The following DCC variants were observed in gnomAD, a reference collection of about 807,000 sequenced individuals.
DCC encodes the protein DCC netrin 1 receptor.
A neutral mutation model predicts 172.5 loss-of-function variants in DCC; 58 were observed. That is an observed-to-expected ratio of 0.34 (90% CI 0.27 to 0.42). DCC has a LOEUF of 0.42. DCC is among the 10% of genes least tolerant of loss of function. The probability of loss-of-function intolerance (pLI) is 1.00; values close to 1 mark genes in which losing one functional copy is unlikely to be tolerated. For missense variants in DCC, 1,740 were observed against 1,791.0 expected (o/e 0.97, Z 0.51); for synonymous variants, 709 against 644.5 (o/e 1.10, Z -1.52).
rs142677377 is a variant in DCC, at chr18:52,848,818, G to A, written c.413-57226G>A. On this transcript the variant is annotated intron_variant, in intron 2 of 28. Transcript: ENST00000442544. ...AAGTGATTTTTAGACTTTTAATTCA[G>A]TTCCATTTATCCATGTATTCGTGTT... 4.3e-3 allele frequency among the ~76,000 whole-genome samples: 647 copies of A among 152,204 alleles called. 3 individuals are homozygous for A. Among genetic ancestry groups the A allele is most frequent in the African/African-American group, 0.015 (618 of 41,504 alleles).
At chr18:52,350,837 T>C (rs1984087684) in intron 1 of DCC, among the ~76,000 whole-genome samples, 1 of 152,152 alleles carries the variant, frequency 6.6e-6, no homozygotes, top group Non-Finnish European at 1.5e-5. Context: ...ATTATGGTTT[T>C]GCCTACAGAT....
chr18:52,658,331 T>A (rs2035293817), intron 1 of DCC, among the ~76,000 whole-genome samples: 1 of 152,212 alleles, frequency 6.6e-6, no homozygotes, highest in Admixed American at 6.5e-5. Flanking sequence ...AACATCCAAA[T>A]CATAAAAGTC....
At chr18:53,509,309 G>A (rs952905134) in intron 27 of DCC, among the ~76,000 whole-genome samples, 8 of 152,232 alleles carry the variant, frequency 5.3e-5, no homozygotes, top group African/African-American at 1.9e-4. Context: ...TATTAAGCAT[G>A]TTACAGTATG....
intron 1 of DCC, among the ~76,000 whole-genome samples, chr18:52,354,993 GC>G (rs1186873092): frequency 6.6e-6 from 1 of 152,084 alleles, no homozygotes; most frequent in Non-Finnish European, 1.5e-5. Context: ...ATCTCTTTAA[GC>G]CCCGTTACGA....
chr18:52,927,090 TATATACGTGTATATAC>T (rs1568191987), intron 5 of DCC, among the ~76,000 whole-genome samples: 1,760 of 127,450 alleles, frequency 0.014, 388 homozygotes, highest in African/African-American at 0.047. Flanking sequence ...TATATACACG[TATATACGTGTATATAC>T]ACGTATATAC....
intron 7 of DCC, among the ~76,000 whole-genome samples, chr18:53,091,437 G>A (rs897419931): frequency 3.4e-5 from 5 of 149,140 alleles, no homozygotes; most frequent in African/African-American, 7.4e-5. Context: ...CACAATTCAA[G>A]CATAATAATA....
chr18:52,741,933 G>A (rs1037376584), intron 1 of DCC, among the ~76,000 whole-genome samples: 2 of 152,106 alleles, frequency 1.3e-5, no homozygotes, highest in African/African-American at 2.4e-5. Context: ...GTGGGACTTT[G>A]GGGAGATAAT....
chr18:52,898,654 C>T (rs1005608302), intron 2 of DCC, among the ~76,000 whole-genome samples: 1 of 151,632 alleles, frequency 6.6e-6, no homozygotes, highest in Non-Finnish European at 1.5e-5. Context: ...GATGTCCCTA[C>T]AGATTTAGCA....
intron 2 of DCC, among the ~76,000 whole-genome samples, chr18:52,839,090 A>G (rs1476416497): frequency 6.6e-6 from 1 of 152,238 alleles, no homozygotes; most frequent in Non-Finnish European, 1.5e-5. Flanking sequence ...TAGAGCTGAA[A>G]GGCAAAAGAA....
intron 2 of DCC, among the ~76,000 whole-genome samples, chr18:52,801,862 C>T (rs1002290065): frequency 3.3e-5 from 5 of 152,112 alleles, no homozygotes; most frequent in South Asian, 2.1e-4. Flanking sequence ...ATAAAACATG[C>T]AATATGCCTG....
intron 1 of DCC, among the ~76,000 whole-genome samples, chr18:52,604,482 C>T (rs958355508): frequency 1.2e-4 from 19 of 152,094 alleles, no homozygotes; most frequent in African/African-American, 4.6e-4. Context: ...TGACCTTTTC[C>T]TCATGTTTGA....
chr18:52,508,052 T>C lies in DCC; in HGVS notation c.91+167174T>C, dbSNP rs139744192. ...GAAGCGGAGGTTGCAGTGAGCTGAG[T>C]TTGAGCCACTGCACTCCAGCCTGGG... On this transcript the variant is annotated intron_variant, in intron 1 of 28. Transcript: ENST00000442544. Among the ~76,000 whole-genome samples the C allele has an allele frequency of 5.7e-3, 860 of 151,942 alleles. 9 individuals carry two copies. Among genetic ancestry groups the C allele is most frequent in the African/African-American group, 0.02 (831 of 41,444 alleles).
chr18:53,464,623 A>G (rs543829977), intron 24 of DCC, among the ~76,000 whole-genome samples: 2 of 151,990 alleles, frequency 1.3e-5, no homozygotes, highest in East Asian at 3.9e-4. Context: ...GTCTATTTTT[A>G]GAATAAAAAA....
At chr18:53,217,021 G>T (rs2055862107) in intron 12 of DCC, among the ~76,000 whole-genome samples, 1 of 152,022 alleles carries the variant, frequency 6.6e-6, no homozygotes, top group African/African-American at 2.4e-5. Context: ...ATTCATCATT[G>T]TTAGAATCCT....
intron 12 of DCC, among the ~76,000 whole-genome samples, chr18:53,238,915 T>C (rs2056244663): frequency 6.6e-6 from 1 of 151,874 alleles, no homozygotes; most frequent in Non-Finnish European, 1.5e-5. Flanking sequence ...TATTTAACCT[T>C]CACAAAACTC....
rs372545862 is a variant in DCC at position 52,881,634 on chromosome 18, G to C, written c.413-24410G>C. ...TGTAAGTATATGGATTTATTGCTGG[G>C]TTCTGTATTCTGTTCCATTGGTCTA... On this transcript the variant is annotated intron_variant, in intron 2 of 28. Transcript: ENST00000442544. Among the ~76,000 whole-genome samples, 8 of 152,230 alleles carry C rather than the reference G, an allele frequency of 5.3e-5. No individual in the cohort carries two copies. In the East Asian group the frequency reaches 1.4e-3, roughly 26 times the overall value.
chr18:52,590,287 A>C (rs1387482595), intron 1 of DCC, among the ~76,000 whole-genome samples: 1 of 152,080 alleles, frequency 6.6e-6, no homozygotes, highest in Non-Finnish European at 1.5e-5. Context: ...CATCCAATGC[A>C]TTAGCCTAAC....
chr18:53,532,979 A>T lies in DCC; in HGVS notation c.*2326A>T, dbSNP rs2046539292. The T allele has an allele frequency of 1.3e-5, 2 of 152,204 alleles. No individual in the cohort carries two copies. The highest frequency in any genetic ancestry group is 1.3e-4 in the Admixed American group (2 of 15,278). The allele number at this position is 152,204 out of a possible 1,614,324, so 9.4% of individuals were successfully genotyped here. A position where few individuals can be genotyped will look rare whatever the true frequency, so the allele number is the denominator to read the frequency against. On this transcript the variant is annotated 3_prime_UTR_variant, in exon 29 of 29. Transcript: ENST00000442544. ...GCTGCATGCTTTTGAAACTTTCTTC[A>T]TTAAATAGAATGGTTTGTCTTAGTA...
At chr18:52,708,523 A>G (rs1228154295) in intron 1 of DCC, among the ~76,000 whole-genome samples, 2 of 152,170 alleles carry the variant, frequency 1.3e-5, no homozygotes, top group Non-Finnish European at 2.9e-5. Flanking sequence ...ACCACATCCA[A>G]TAACAGAGGC....
Sources: gnomAD v4.1 joint callset for allele counts (sites outside exome capture counted in the v4.1 genomes callset) on GRCh38, gnomAD v4.1.1 for gene constraint, MANE v1.5 for transcripts, NCBI Gene and HGNC (gene_info 2026-07-23, HGNC 2026-07-21) for gene names.